RAB40C: variants seen among roughly 807,000 people sequenced by gnomAD.
RAB40C encodes the protein ras-related protein Rab-40C.
A neutral mutation model predicts 28.1 loss-of-function variants in RAB40C; 8 were observed. The ratio of observed to expected loss-of-function variants is 0.28; its 90% CI spans 0.17 to 0.51. The LOEUF (loss-of-function observed/expected upper bound fraction) is 0.51, where lower values mean the gene tolerates loss of function less well. Ranked by LOEUF, RAB40C falls within the 20% of genes least tolerant of loss-of-function variation. RAB40C has a pLI of 0.97. For missense variants in RAB40C, 288 were observed against 405.9 expected (o/e 0.71, Z 2.50); for synonymous variants, 201 against 171.7 (o/e 1.17, Z -1.34).
At chr16:616,163 A>G (rs1451442699) in intron 1 of RAB40C, among the ~76,000 whole-genome samples, 4 of 150,232 alleles carry the variant, frequency 2.7e-5, no homozygotes, top group Non-Finnish European at 5.9e-5. Flanking sequence ...GGCTGAGGCT[A>G]GATAATGGCG....
At chr16:617,371 C>G in intron 2 of RAB40C, 103 bp downstream of exon 2, 1 of 1,369,028 alleles carries the variant, frequency 7.3e-7, no homozygotes, top group Non-Finnish European at 1.0e-6. Flanking sequence ...TTGCATTTCA[C>G]TTGGAAGAGC....
At chr16:603,754 C>G (rs1272994789) in intron 1 of RAB40C, among the ~76,000 whole-genome samples, 6 of 150,946 alleles carry the variant, frequency 4.0e-5, no homozygotes, top group Non-Finnish European at 7.4e-5. Flanking sequence ...TCCCAGAAAG[C>G]CCCTCAGGCC....
intron 1 of RAB40C, among the ~76,000 whole-genome samples, chr16:593,253 C>T (rs1303714973): frequency 6.6e-6 from 1 of 152,196 alleles, no homozygotes; most frequent in African/African-American, 2.4e-5. Flanking sequence ...TGAGGGTTTC[C>T]CAAGGGGGCT....
rs2036605772 is a variant in RAB40C, at chr16:617,215, C to A, written c.150C>A (p.Asp50Glu). ...ESPYAYSNGI[D>E]YKTTTILLDG... ...CCCTGTGCTTCCTCGCAGGGATCGACTACAAGACCACCACCATCCTGCTGG... is the reference window on the plus strand; with the variant it reads ...CCCTGTGCTTCCTCGCAGGGATCGAATACAAGACCACCACCATCCTGCTGG... Residue 50 changes from aspartate to glutamate, a missense_variant, in exon 2 of 6, where the codon GAC (aspartate) becomes GAA (glutamate). Physicochemically the swap from Asp to Glu is conservative, Grantham distance 45. This residue lies in a region of RAB40C where 78 missense variants were observed against 88.2 expected (regional missense o/e 0.88). Transcript: ENST00000248139. The A allele has an allele frequency of 6.2e-7, 1 of 1,613,956 alleles. No homozygotes were observed. Among genetic ancestry groups the A allele is most frequent in the Non-Finnish European group, 8.5e-7 (1 of 1,180,018 alleles).
intron 2 of RAB40C, 87 bp from the exon 3 acceptor site, chr16:618,113 C>T: frequency 7.6e-7 from 1 of 1,310,324 alleles, no homozygotes; most frequent in Admixed American, 2.0e-5. Flanking sequence ...CCCCTCAGGA[C>T]ATCCAGGTGG....
upstream of RAB40C, chr16:589,935 G>T: frequency 1.3e-5 from 2 of 148,486 alleles, no homozygotes; most frequent in South Asian, 2.1e-4. Flanking sequence ...GAGGCGGTGC[G>T]ACCGGAGGTC....
intron 1 of RAB40C, among the ~76,000 whole-genome samples, chr16:594,861 G>T (rs533078903): frequency 2.1e-5 from 3 of 146,272 alleles, no homozygotes; most frequent in African/African-American, 7.7e-5. Context: ...ACTCTCTTGC[G>T]CAGGCTGGAG....
chr16:599,584 C>A (rs55944622), intron 1 of RAB40C, among the ~76,000 whole-genome samples: 121 of 147,730 alleles, frequency 8.2e-4, no homozygotes, highest in African/African-American at 2.9e-3. Context: ...AGGTTTTGTT[C>A]CCTCGTGGCA....
Position 590,113 on chromosome 16 carries a change from G to A in RAB40C, c.-179G>A, listed in dbSNP as rs2035956900. The A allele has an allele frequency of 1.0e-5, 2 of 195,188 alleles. No individual in the cohort carries two copies. Among genetic ancestry groups the A allele is most frequent in the Non-Finnish European group, 9.1e-6 (1 of 109,926 alleles). 12.1% of individuals were successfully genotyped at this position (195,188 alleles called of 1,614,324 possible). On this transcript the variant is annotated 5_prime_UTR_variant, in exon 1 of 6. Transcript: ENST00000248139. ...GCGGGAAGCGGCGGGGCGGCGGCGA[G>A]GCTGAGGTGCGCCCGGGCGCGGGCG...
Position 629,244 on chromosome 16 carries a change from C to T in RAB40C, c.*1622C>T, listed in dbSNP as rs1413882891. 2 of 291,628 alleles carry T rather than the reference C, an allele frequency of 6.9e-6. No homozygotes were observed. The highest frequency in any genetic ancestry group is 1.4e-5 in the Non-Finnish European group (2 of 142,932). 18.1% of individuals were successfully genotyped at this position (291,628 alleles called of 1,614,324 possible). On this transcript the variant is annotated 3_prime_UTR_variant, in exon 6 of 6. Transcript: ENST00000248139. The stretch of plus-strand genomic sequence containing the variant: ...GGTTCTCTCCGAACCGTTCTTTGTA[C>T]AGTAAATGTAATTCAGCTGTGGTCC...
At chr16:606,094 T>C (rs2036355868) in intron 1 of RAB40C, among the ~76,000 whole-genome samples, 2 of 152,278 alleles carry the variant, frequency 1.3e-5, no homozygotes, top group African/African-American at 2.4e-5. Context: ...TTTTCTGTTA[T>C]TGCTGACACA....
intron 5 of RAB40C, among the ~76,000 whole-genome samples, chr16:626,869 C>G (rs1356818532): frequency 6.6e-6 from 1 of 152,208 alleles, no homozygotes; most frequent in Non-Finnish European, 1.5e-5. Flanking sequence ...ACCCAGGAGG[C>G]GGAGGTTGCA....
intron 1 of RAB40C, among the ~76,000 whole-genome samples, chr16:607,516 A>C (rs541007909): frequency 2.4e-4 from 36 of 150,320 alleles, no homozygotes; most frequent in African/African-American, 8.1e-4. Context: ...AAAAAAAAAA[A>C]CGGGGGGCCG....
chr16:624,737 G>A (rs4984678), intron 3 of RAB40C: 218,842 of 985,302 alleles, frequency 0.22, 25,779 homozygotes, highest in East Asian at 0.61. Flanking sequence ...TTGGGGAGAG[G>A]CGGGCATAGG....
intron 3 of RAB40C, chr16:624,201 C>A: frequency 2.0e-6 from 2 of 985,448 alleles, no homozygotes; most frequent in Non-Finnish European, 2.4e-6. Flanking sequence ...GGGAGGTTGC[C>A]ATGCGGGAGG....
Position 594,136 on chromosome 16 carries a change from G to A in RAB40C, c.142+3703G>A, listed in dbSNP as rs542236453. Reference sequence around the variant, plus strand: ...CCTGGATTAAGGCAGTTCCACCCTCGGCACCGTGTCCCCACAAACCTTCCT... The same window carrying A: ...CCTGGATTAAGGCAGTTCCACCCTCAGCACCGTGTCCCCACAAACCTTCCT... On this transcript the variant is annotated intron_variant, in intron 1 of 5. Coordinates refer to ENST00000248139, the MANE Select transcript of RAB40C (RefSeq NM_021168.5). 3.3e-4 allele frequency among the ~76,000 whole-genome samples: 51 copies of A among 152,318 alleles called. 2 individuals carry two copies. In the South Asian group the frequency reaches 8.1e-3, roughly 24 times the overall value.
intron 1 of RAB40C, among the ~76,000 whole-genome samples, chr16:598,577 AAAAG>A (rs1567184777): frequency 2.0e-5 from 3 of 150,740 alleles, no homozygotes; most frequent in Admixed American, 6.6e-5. Context: ...AAAAAAAAAA[AAAAG>A]AAAAAAGAAA....
intron 3 of RAB40C, 130 bp downstream of exon 3, chr16:618,390 T>G (rs2036634010): frequency 2.1e-6 from 2 of 969,626 alleles, no homozygotes; most frequent in Non-Finnish European, 3.0e-6. Flanking sequence ...CACATTGGTT[T>G]GTTTATTTGT....
chr16:601,048 C>T (rs757177417), intron 1 of RAB40C, among the ~76,000 whole-genome samples: 29 of 152,194 alleles, frequency 1.9e-4, no homozygotes, highest in Non-Finnish European at 3.4e-4. Flanking sequence ...CTTGCAGAGC[C>T]ACCTCCTGGT....
Sources: allele counts gnomAD v4.1 joint callset (sites outside exome capture counted in the v4.1 genomes callset), GRCh38; gene constraint gnomAD v4.1.1; regional missense constraint gnomAD v4.1.1; transcripts MANE v1.5; gene names NCBI Gene and HGNC (gene_info 2026-07-23, HGNC 2026-07-21).